The following BAHD1 variants were observed in gnomAD, a reference collection of about 807,000 sequenced individuals.
BAHD1 encodes bromo adjacent homology domain containing 1, also known as bromo adjacent homology domain-containing 1 protein.
A neutral mutation model predicts 63.1 loss-of-function variants in BAHD1; 20 were observed. That is an observed-to-expected ratio of 0.32 (90% confidence interval 0.22 to 0.46). BAHD1 has a LOEUF of 0.46. BAHD1 is among the 20% of genes least tolerant of loss of function. The probability of loss-of-function intolerance (pLI) is 1.00; values close to 1 mark genes in which losing one functional copy is unlikely to be tolerated. For synonymous variants in BAHD1, 408 were observed against 426.8 expected (o/e 0.96, Z 0.54); for missense variants, 939 against 1,071.8 (o/e 0.88, Z 1.73).
chr15:40,459,905 T>C lies in BAHD1; in HGVS notation c.1432+9T>C. The C allele has an allele frequency of 6.4e-7, 1 of 1,567,918 alleles. No homozygotes were observed. Among genetic ancestry groups the C allele is most frequent in the Non-Finnish European group, 8.6e-7 (1 of 1,156,568 alleles). ...AATGCCTTTTGCAGCAGGTGAGGCTTCCTGGGCCCAAGATGTACTGGGGAG... is the reference window on the plus strand; with the variant it reads ...AATGCCTTTTGCAGCAGGTGAGGCTCCCTGGGCCCAAGATGTACTGGGGAG... On this transcript the variant is annotated intron_variant, in intron 2 of 6. Coordinates refer to ENST00000416165, the MANE Select transcript of BAHD1 (RefSeq NM_014952.5).
chr15:40,447,919 C>G (rs1274703612), intron 1 of BAHD1, among the ~76,000 whole-genome samples: 1 of 152,116 alleles, frequency 6.6e-6, no homozygotes, highest in Non-Finnish European at 1.5e-5. Flanking sequence ...TTATTTAGCC[C>G]AGACTTCTTA....
chr15:40,440,262 A>G (rs1450512593), upstream of BAHD1, among the ~76,000 whole-genome samples: 1 of 152,208 alleles, frequency 6.6e-6, no homozygotes, highest in African/African-American at 2.4e-5. Flanking sequence ...TTACCGAGCC[A>G]GGACCGACCT....
rs1317699236 is a variant in BAHD1 at position 40,462,238 on chromosome 15, C to T, written c.1759C>T (p.Arg587Cys). 5 of 1,611,560 alleles carry T rather than the reference C, an allele frequency of 3.1e-6. No homozygotes were observed. The South Asian group carries it at 3.3e-5, about 11-fold the overall frequency. The change falls in exon 3 of 7, where the codon CGC becomes TGC. Residue 587 changes from arginine (R) to cysteine (C), a missense_variant. By Grantham distance (180) the Arg-to-Cys change is radical. Transcript: ENST00000416165. ...RPRPRRRRRRRTNGWVPVGAA... is the reference protein window; with the variant it reads ...RPRPRRRRRRCTNGWVPVGAA... The stretch of plus-strand genomic sequence containing the variant: ...ACGCCCTCGCCGCCGCCGTCGCCGC[C>T]GCACTAATGGCTGGGTACCTGTTGG...
chr15:40,460,308 C>G (rs1595860828), intron 2 of BAHD1, among the ~76,000 whole-genome samples: 1 of 152,094 alleles, frequency 6.6e-6, no homozygotes, highest in South Asian at 2.1e-4. Flanking sequence ...GCTAGAATTC[C>G]CTAGTTTCTA....
intron 3 of BAHD1, among the ~76,000 whole-genome samples, chr15:40,463,225 A>C (rs1894103970): frequency 6.6e-6 from 1 of 151,926 alleles, no homozygotes; most frequent in South Asian, 2.1e-4. Context: ...GGATCACTTG[A>C]GTCCAGGAGG....
At position 40,459,705 on chromosome 15, in the gene BAHD1, G is replaced by T; in HGVS notation, c.1241G>T (p.Gly414Val). Residue 414 changes from glycine (G) to valine (V), a missense_variant, in exon 2 of 7, where the codon GGG (glycine) becomes GTG (valine). Coordinates refer to ENST00000416165, the MANE Select transcript of BAHD1 (RefSeq NM_014952.5). ...CCAGTGGCTGCACCTCACGAGGAGG[G>T]GCTCCTCTTAGCTCCGAGCTCAGTG... ...LSPVAAPHEE[G>V]LLLAPSSVPS... 6.2e-7 allele frequency: 1 copy of T among 1,613,946 alleles called. No homozygotes were observed. Among genetic ancestry groups the T allele is most frequent in the South Asian group, 1.1e-5 (1 of 91,070 alleles).
intron 5 of BAHD1, chr15:40,465,048 A>T (rs1187110215): frequency 1.1e-5 from 5 of 465,082 alleles, no homozygotes; most frequent in Non-Finnish European, 2.0e-5. Context: ...GGAAAGATGA[A>T]GAACATTTCC....
At chr15:40,464,175 C>G in intron 4 of BAHD1, 155 bp downstream of exon 4, 1 of 929,122 alleles carries the variant, frequency 1.1e-6, no homozygotes, top group Non-Finnish European at 1.6e-6. Flanking sequence ...CTCTCTGCTG[C>G]CGAGGGCTGT....
Position 40,459,199 on chromosome 15 carries a change from G to A in BAHD1, c.735G>A (p.Pro245=), listed in dbSNP as rs142289543. ...RSTEPPAPKA[P]RPKWPKVNGK... ...CTGAGCCCCCAGCACCCAAGGCCCC[G>A]AGGCCAAAGTGGCCCAAGGTCAATG... The change falls in exon 2 of 7, where the codon CCG becomes CCA. Residue 245 remains proline, a synonymous_variant. Transcript: ENST00000416165. The A allele has an allele frequency of 1.7e-4, 276 of 1,612,062 alleles. No individual in the cohort carries two copies. The highest frequency in any genetic ancestry group is 1.2e-3 in the Middle Eastern group (7 of 6,054).
chr15:40,446,522 C>T (rs1893544499), intron 1 of BAHD1, among the ~76,000 whole-genome samples: 1 of 152,076 alleles, frequency 6.6e-6, no homozygotes, highest in African/African-American at 2.4e-5. Flanking sequence ...AGTGTCCCCC[C>T]AACACAAAAA....
chr15:40,441,512 T>C (rs886337691), intron 1 of BAHD1, among the ~76,000 whole-genome samples: 10 of 150,198 alleles, frequency 6.7e-5, no homozygotes, highest in Non-Finnish European at 1.3e-4. Flanking sequence ...GGTCCCGCCA[T>C]CGGGGAACGC....
chr15:40,452,496 T>C (rs1893735214), intron 1 of BAHD1, among the ~76,000 whole-genome samples: 3 of 152,234 alleles, frequency 2.0e-5, no homozygotes. Context: ...GACACAGAGC[T>C]GTTGTTCAGG....
Position 40,458,883 on chromosome 15 carries a change from T to C in BAHD1, c.419T>C (p.Leu140Pro). 6.3e-7 allele frequency: 1 copy of C among 1,592,768 alleles called. No individual in the cohort carries two copies. Among genetic ancestry groups the C allele is most frequent in the Non-Finnish European group, 8.6e-7 (1 of 1,168,422 alleles). Residue 140 changes from leucine to proline, a missense_variant, in exon 2 of 7, where the codon CTG becomes CCG. Physicochemically the swap from Leu to Pro is moderately conservative, Grantham distance 98. Coordinates refer to ENST00000416165, the MANE Select transcript of BAHD1 (RefSeq NM_014952.5). This position sits in a 1 kb window ranked among gnomAD's most constrained non-coding sequence, Gnocchi z 4.7. Reference protein sequence around the residue: ...LLLEREDTSSLAGTRRSRAGD... With the variant: ...LLLEREDTSSPAGTRRSRAGD... ...CTGGAGCGAGAGGACACCAGCAGCC[T>C]GGCAGGCACCCGCCGCAGTCGAGCA...
intron 1 of BAHD1, among the ~76,000 whole-genome samples, chr15:40,442,591 C>T (rs1160414806): frequency 6.6e-6 from 1 of 152,078 alleles, no homozygotes; most frequent in Non-Finnish European, 1.5e-5. Context: ...TCCTAGTCGC[C>T]CATTGTCGAC....
At chr15:40,444,522 A>G (rs1457791313) in intron 1 of BAHD1, among the ~76,000 whole-genome samples, 3 of 151,782 alleles carry the variant, frequency 2.0e-5, no homozygotes, top group Non-Finnish European at 4.4e-5. Flanking sequence ...AAATGAATCC[A>G]TGTTTTATCT....
chr15:40,447,243 C>T (rs1385047214), intron 1 of BAHD1, among the ~76,000 whole-genome samples: 2 of 152,052 alleles, frequency 1.3e-5, no homozygotes, highest in Admixed American at 1.3e-4. Context: ...GAGGGGTTTC[C>T]ACATTGGCTA....
intron 6 of BAHD1, 92 bp from the exon 7 acceptor site, chr15:40,465,849 G>C: frequency 1.5e-6 from 2 of 1,349,740 alleles, no homozygotes; most frequent in Non-Finnish European, 2.0e-6. Context: ...GGATAGCCTA[G>C]CTCTCTGGGT....
At chr15:40,463,832 C>G (rs1179085701) in intron 3 of BAHD1, 29 bp from the exon 4 acceptor site, 2 of 1,612,828 alleles carry the variant, frequency 1.2e-6, no homozygotes, top group African/African-American at 2.7e-5. Context: ...GCTCTGCAAG[C>G]CTATTTGTGT....
At chr15:40,453,435 G>C (rs2141499750) in intron 1 of BAHD1, 2 of 152,348 alleles carry the variant, frequency 1.3e-5, no homozygotes, top group Admixed American at 1.3e-4. Context: ...GAAGATTCAA[G>C]AAATTCAGTG....
Sources: allele counts gnomAD v4.1 joint callset (sites outside exome capture counted in the v4.1 genomes callset), GRCh38; gene constraint gnomAD v4.1.1; non-coding constraint Gnocchi (gnomAD v3.1); transcripts MANE v1.5; gene names NCBI Gene and HGNC (gene_info 2026-07-23, HGNC 2026-07-21).